The following KLHL25 variants were observed in gnomAD, a reference collection of about 807,000 sequenced individuals.
KLHL25 encodes kelch-like protein 25.
Under a neutral mutation model 30.0 loss-of-function variants are expected in KLHL25, and 41 were observed. The ratio of observed to expected loss-of-function variants is 1.37; its 90% CI spans 1.07 to 1.78. The LOEUF (loss-of-function observed/expected upper bound fraction) is 1.78, where lower values mean the gene tolerates loss of function less well. Among genes scored for constraint, KLHL25 ranks in the 40% most tolerant of loss-of-function variants. The pLI, the probability that KLHL25 is intolerant of heterozygous loss-of-function variation, is 0.00. For synonymous variants in KLHL25, 399 were observed against 355.3 expected, an observed-to-expected ratio of 1.12 and a Z score of -1.38; for missense variants, 971 against 824.5, an observed-to-expected ratio of 1.18 and a Z score of -2.18.
At chr15:85,774,744 C>T (rs969444366) in intron 1 of KLHL25, among the ~76,000 whole-genome samples, 2 of 152,130 alleles carry the variant, frequency 1.3e-5, no homozygotes, top group Non-Finnish European at 2.9e-5. Context: ...AGAGGCACAG[C>T]GCTCAGCCTG....
In KLHL25 at chr15:85,767,163, TG is replaced by T. The variant is rs541825171; in HGVS notation, c.*24+853del. On this transcript the variant is annotated intron_variant, in intron 2 of 2. Coordinates refer to ENST00000337975, the MANE Select transcript of KLHL25 (RefSeq NM_022480.4). ...GCACCACCATGCCTGGCTCATTTTTTGTATTTTTAGTAGGGATGGGGTTTCA... is the reference window on the plus strand; with the variant it reads ...GCACCACCATGCCTGGCTCATTTTTTTATTTTTAGTAGGGATGGGGTTTCA... Among the ~76,000 whole-genome samples the T allele has an allele frequency of 7.9e-5, 12 of 152,192 alleles. No homozygotes were observed. The South Asian group carries it at 2.5e-3, about 32-fold the overall frequency.
intron 2 of KLHL25, chr15:85,761,964 A>C (rs1403570845): frequency 6.6e-6 from 1 of 152,288 alleles, no homozygotes; most frequent in East Asian, 1.9e-4. Context: ...TAAACACTGA[A>C]GCCAGCACTG....
At chr15:85,790,315 C>G (rs945474423) in intron 1 of KLHL25, among the ~76,000 whole-genome samples, 2 of 152,056 alleles carry the variant, frequency 1.3e-5, no homozygotes, top group African/African-American at 4.8e-5. Flanking sequence ...CTCAAACTCC[C>G]GACCTCAGGT....
intron 2 of KLHL25, chr15:85,762,768 C>G (rs1460757144): frequency 6.6e-6 from 1 of 152,364 alleles, no homozygotes; most frequent in African/African-American, 2.4e-5. Flanking sequence ...TAGCCAGGCC[C>G]AACCCTCAAG....
rs866706012 is a variant in KLHL25 at position 85,768,059 on chromosome 15, C to T, written c.1752G>A (p.Trp584Ter). The T allele has an allele frequency of 2.5e-6, 4 of 1,612,064 alleles. No homozygotes were observed. The highest frequency in any genetic ancestry group is 3.3e-5 in the Admixed American group (2 of 59,942). The change falls in exon 2 of 3, where the codon TGG (tryptophan) becomes TGA (stop). Residue 584 changes from tryptophan to a stop codon, truncating the protein, a stop_gained. Coordinates refer to ENST00000337975, the MANE Select transcript of KLHL25 (RefSeq NM_022480.4). LOFTEE classifies it low-confidence loss of function (END_TRUNC). Reference sequence around the variant, plus strand: ...GTGCTCCTCACGCGGGCAGGTGCTTCCAGGTGCTGACAAAGGCCGTGGGGA... The same window carrying T: ...GTGCTCCTCACGCGGGCAGGTGCTTTCAGGTGCTGACAAAGGCCGTGGGGA... The part of the protein sequence containing the change: ...SLIPTAFVST[W>*]KHLPA
rs2089641625 is a variant in KLHL25 at position 85,768,571 on chromosome 15, C to T, written c.1240G>A (p.Val414Met). The T allele has an allele frequency of 6.2e-7, 1 of 1,613,096 alleles. No homozygotes were observed. The highest frequency in any genetic ancestry group is 1.7e-5 in the Admixed American group (1 of 60,006). Reference protein sequence around the residue: ...PASPSVSLKQVEKYDPGANKW... With the variant: ...PASPSVSLKQMEKYDPGANKW... Reference sequence around the variant, plus strand: ...TTGGCCCCAGGGTCGTATTTCTCCACTTGTTTCAGGGAGACAGAAGGCGAG... The same window carrying T: ...TTGGCCCCAGGGTCGTATTTCTCCATTTGTTTCAGGGAGACAGAAGGCGAG... The change falls in exon 2 of 3, where the codon GTG (valine) becomes ATG (methionine). Residue 414 changes from valine to methionine, a missense_variant. By Grantham distance (21) the Val-to-Met change is conservative. Coordinates refer to ENST00000337975, the MANE Select transcript of KLHL25 (RefSeq NM_022480.4).
chr15:85,770,658 G>A (rs1437629049), intron 1 of KLHL25: 6 of 458,412 alleles, frequency 1.3e-5, no homozygotes, highest in Non-Finnish European at 2.7e-5. Context: ...AGCAGGACAT[G>A]CCGAACCCTA....
intron 1 of KLHL25, among the ~76,000 whole-genome samples, chr15:85,792,377 G>C (rs889228374): frequency 3.9e-5 from 6 of 152,316 alleles, no homozygotes; most frequent in Non-Finnish European, 8.8e-5. Flanking sequence ...ATGAAAACCA[G>C]CATCTCAATC....
intron 1 of KLHL25, among the ~76,000 whole-genome samples, chr15:85,780,546 C>T (rs60635633): frequency 0.042 from 6,355 of 152,246 alleles, 440 homozygotes; most frequent in African/African-American, 0.15. Flanking sequence ...CAATGAACCA[C>T]CAGGAGTGAC....
intron 2 of KLHL25, chr15:85,763,162 C>T (rs1047230001): frequency 2.0e-5 from 3 of 152,342 alleles, no homozygotes; most frequent in East Asian, 1.9e-4. Context: ...AGTGGGTAAG[C>T]GGGGGCCTCC....
chr15:85,787,000 C>A (rs889263819), intron 1 of KLHL25, among the ~76,000 whole-genome samples: 2 of 152,116 alleles, frequency 1.3e-5, no homozygotes, highest in African/African-American at 4.8e-5. Flanking sequence ...GAGGCAGAAC[C>A]AGCACTCAAT....
At chr15:85,786,189 T>C (rs1313575111) in intron 1 of KLHL25, among the ~76,000 whole-genome samples, 1 of 152,150 alleles carries the variant, frequency 6.6e-6, no homozygotes, top group Non-Finnish European at 1.5e-5. Context: ...ATTGTCCCCT[T>C]GGTTACCCTC....
chr15:85,762,623 T>C (rs1189265400), intron 2 of KLHL25: 1 of 152,408 alleles, frequency 6.6e-6, no homozygotes, highest in Non-Finnish European at 1.5e-5. Context: ...ATCCTGTGGG[T>C]TGTTGGTGTA....
intron 2 of KLHL25, chr15:85,761,708 A>T (rs1272302790): frequency 6.6e-6 from 1 of 152,296 alleles, no homozygotes; most frequent in Non-Finnish European, 1.5e-5. Flanking sequence ...CCTGAAAGGA[A>T]AAGGTGAGCC....
At chr15:85,779,570 C>T (rs913990495) in intron 1 of KLHL25, among the ~76,000 whole-genome samples, 20 of 152,354 alleles carry the variant, frequency 1.3e-4, no homozygotes, top group Admixed American at 6.5e-5. Flanking sequence ...ACTATTTTCA[C>T]TATGGCTTAT....
At chr15:85,792,762 C>T (rs1399479951) in intron 1 of KLHL25, among the ~76,000 whole-genome samples, 3 of 152,148 alleles carry the variant, frequency 2.0e-5, no homozygotes, top group African/African-American at 7.2e-5. Context: ...CCCTACACCT[C>T]GAATCTGGGC....
At position 85,769,597 on chromosome 15, in the gene KLHL25, CA is replaced by C; in HGVS notation, c.213del (p.Phe71LeufsTer82). On this transcript the variant is annotated frameshift_variant, in exon 2 of 3. Transcript: ENST00000337975. LOFTEE classifies it high-confidence loss of function. ...CGAAGGCCATGGCTGAACATGGCCT[CA>C]AAATAGCGGCTAGAGGCGGCCAGCA... ...RAVLAASSRY[F>X]EAMFSHGLRE... is the part of the protein sequence containing the mutation. The C allele has an allele frequency of 6.2e-7, 1 of 1,613,782 alleles. No individual in the cohort carries two copies. Among genetic ancestry groups the C allele is most frequent in the Non-Finnish European group, 8.5e-7 (1 of 1,180,022 alleles).
intron 2 of KLHL25, among the ~76,000 whole-genome samples, chr15:85,766,994 A>G: frequency 7.1e-6 from 1 of 140,862 alleles, no homozygotes; most frequent in African/African-American, 2.6e-5. Context: ...GTTGGCGATC[A>G]TTTTTTTTTT....
At chr15:85,794,613 A>C (rs1272293825) in intron 1 of KLHL25, among the ~76,000 whole-genome samples, 153 bp downstream of exon 1, 1 of 151,966 alleles carries the variant, frequency 6.6e-6, no homozygotes, top group Non-Finnish European at 1.5e-5. Context: ...CCCCGGCCCC[A>C]GCCGCGGGGC....
Sources: allele counts gnomAD v4.1 joint callset (sites outside exome capture counted in the v4.1 genomes callset), GRCh38; gene constraint gnomAD v4.1.1; transcripts MANE v1.5; gene names NCBI Gene and HGNC (gene_info 2026-07-23, HGNC 2026-07-21).